Variants in RBFOX1 observed in about 807,000 individuals in gnomAD.
RBFOX1 encodes the protein RNA binding protein fox-1 homolog 1.
In RBFOX1, 8 loss-of-function variants were observed where a neutral mutation model predicts 57.7. The observed-to-expected ratio is 0.14, with a 90% CI of 0.08 to 0.25. RBFOX1 has a LOEUF of 0.25. RBFOX1 is among the 10% of genes least tolerant of loss of function. The probability of loss-of-function intolerance (pLI) is 1.00; values close to 1 mark genes in which losing one functional copy is unlikely to be tolerated. For synonymous variants in RBFOX1, 326 were observed against 222.4 expected, an observed-to-expected ratio of 1.47 and a Z score of -4.15; for missense variants, 611 against 548.5, an observed-to-expected ratio of 1.11 and a Z score of -1.14.
intron 4 of RBFOX1, among the ~76,000 whole-genome samples, chr16:7,250,852 G>C (rs1256438709): frequency 6.6e-6 from 1 of 152,062 alleles, no homozygotes; most frequent in Non-Finnish European, 1.5e-5. Flanking sequence ...TTAGGACACT[G>C]GGTGATTCTT....
intron 14 of RBFOX1, among the ~76,000 whole-genome samples, chr16:7,682,933 C>G (rs929254819): frequency 2.2e-5 from 3 of 136,952 alleles, no homozygotes; most frequent in Admixed American, 7.6e-5. Context: ...TAGAAACACA[C>G]AGTTATACCT....
chr16:7,703,591 G>A (rs533849686), intron 14 of RBFOX1, among the ~76,000 whole-genome samples: 13 of 152,232 alleles, frequency 8.5e-5, no homozygotes, highest in Admixed American at 3.9e-4. Flanking sequence ...AGAAAATTAT[G>A]TTAAAACCCT....
chr16:6,988,584 T>G (rs2090797063), intron 3 of RBFOX1, among the ~76,000 whole-genome samples: 1 of 151,798 alleles, frequency 6.6e-6, no homozygotes, highest in South Asian at 2.1e-4. Flanking sequence ...TTTTATTTTA[T>G]TTATTTGGGA....
intron 3 of RBFOX1, among the ~76,000 whole-genome samples, chr16:6,680,336 C>T (rs1159186634): frequency 7.2e-6 from 1 of 139,396 alleles, no homozygotes; most frequent in Non-Finnish European, 1.5e-5. Flanking sequence ...CATCTCAGCT[C>T]ACTGCAAGCT....
intron 4 of RBFOX1, among the ~76,000 whole-genome samples, chr16:7,104,599 A>G (rs966748538): frequency 6.6e-6 from 1 of 152,070 alleles, no homozygotes; most frequent in Non-Finnish European, 1.5e-5. Flanking sequence ...TCAAGTCAGG[A>G]CCTCTTGCTG....
At position 6,316,996 on chromosome 16, in the gene RBFOX1, A is replaced by C. The variant is rs983183633; in HGVS notation, c.-125A>C. 9.8e-6 allele frequency: 15 copies of C among 1,535,120 alleles called. No individual in the cohort carries two copies. The highest frequency in any genetic ancestry group is 3.3e-4 in the Middle Eastern group (2 of 6,006). ...GTCATTCCCCTTTTTCTTCTTTAGGAAACTGGTCAAAGAACTCATGCAAGT... is the reference window on the plus strand; with the variant it reads ...GTCATTCCCCTTTTTCTTCTTTAGGCAACTGGTCAAAGAACTCATGCAAGT... On this transcript the variant is annotated splice_region_variant and 5_prime_UTR_variant, in exon 2 of 16. Transcript: ENST00000550418.
Position 6,657,110 on chromosome 16 carries a change from C to T in RBFOX1, c.-16+2460C>T, listed in dbSNP as rs573448441. Reference sequence around the variant, plus strand: ...CTCCTCCCCTTTACTCTCCTCTCCTCCCCTCTCCTCTCCTCTCCTCTCCTC... The same window carrying T: ...CTCCTCCCCTTTACTCTCCTCTCCTTCCCTCTCCTCTCCTCTCCTCTCCTC... On this transcript the variant is annotated intron_variant, in intron 3 of 15. Coordinates refer to ENST00000550418, the MANE Select transcript of RBFOX1 (RefSeq NM_018723.4). 9.8e-4 allele frequency among the ~76,000 whole-genome samples: 135 copies of T among 137,128 alleles called. 4 individuals carry two copies. The highest frequency in any genetic ancestry group is 3.7e-3 in the African/African-American group (126 of 34,518). 90.0% of individuals were successfully genotyped at this position (137,128 alleles called of 152,430 possible). A position where few individuals can be genotyped will look rare whatever the true frequency, so the allele number is the denominator to read the frequency against.
intron 1 of RBFOX1, among the ~76,000 whole-genome samples, chr16:6,020,601 C>G (rs567646413): frequency 6.6e-6 from 1 of 152,160 alleles, no homozygotes; most frequent in Non-Finnish European, 1.5e-5. Flanking sequence ...TGGGAAACTC[C>G]TACTGTGCCC....
rs151177772 is a variant in RBFOX1, at chr16:6,824,983, G to GTTTTT, written c.-16+170360_-16+170364dup. On this transcript the variant is annotated intron_variant, in intron 3 of 15. Transcript: ENST00000550418. The stretch of plus-strand genomic sequence containing the variant: ...GGATTTCTTTTTTCTTTCTTTCTTG[G>GTTTTT]TTTTTTTTTTTTTTTTTTTTTTTTT... Among the ~76,000 whole-genome samples the GTTTTT allele has an allele frequency of 5.0e-3, 186 of 36,900 alleles. 29 individuals carry two copies. Among genetic ancestry groups the GTTTTT allele is most frequent in the Middle Eastern group, 0.059 (2 of 34 alleles). The allele number at this position is 36,900 out of a possible 152,430, so 24.2% of individuals were successfully genotyped here. A position where few individuals can be genotyped will look rare whatever the true frequency, so the allele number is the denominator to read the frequency against.
chr16:6,885,662 G>C (rs80248853), intron 3 of RBFOX1, among the ~76,000 whole-genome samples: 13,215 of 152,006 alleles, frequency 0.087, 601 homozygotes, highest in South Asian at 0.11. Context: ...CTCCCTAGTA[G>C]CTGGGATTAC....
At chr16:5,606,121 C>T (rs2151225660) in intron 3 of RBFOX1, among the ~76,000 whole-genome samples, 1 of 152,298 alleles carries the variant, frequency 6.6e-6, no homozygotes, top group African/African-American at 2.4e-5. Flanking sequence ...ATGGCTCCTC[C>T]TTTCTGACAT....
chr16:6,888,701 C>G (rs1954709002), intron 3 of RBFOX1, among the ~76,000 whole-genome samples: 1 of 152,130 alleles, frequency 6.6e-6, no homozygotes, highest in Non-Finnish European at 1.5e-5. Flanking sequence ...AGTAAAAAAG[C>G]TGGGGGAAGG....
At chr16:5,581,417 G>A (rs571946413) in intron 2 of RBFOX1, among the ~76,000 whole-genome samples, 28 of 152,346 alleles carry the variant, frequency 1.8e-4, no homozygotes, top group African/African-American at 5.8e-4. Flanking sequence ...GGTTCCTGGA[G>A]GGAGAATCCA....
intron 3 of RBFOX1, among the ~76,000 whole-genome samples, chr16:6,672,486 A>T (rs1029317722): frequency 1.3e-5 from 2 of 151,722 alleles, no homozygotes; most frequent in African/African-American, 4.8e-5. Flanking sequence ...AAAAAAGAAA[A>T]AGGGAGGGAG....
rs60702304 is a variant in RBFOX1 at position 6,485,566 on chromosome 16, G to A, written c.-64+168509G>A. On this transcript the variant is annotated intron_variant, in intron 2 of 15. Coordinates refer to ENST00000550418, the MANE Select transcript of RBFOX1 (RefSeq NM_018723.4). ...TCTTTCTTTCTTTCAGGAATTCTCCGCTCACCTGCAAGAATTATTTAGTAT... is the reference window on the plus strand; with the variant it reads ...TCTTTCTTTCTTTCAGGAATTCTCCACTCACCTGCAAGAATTATTTAGTAT... Among the ~76,000 whole-genome samples the A allele has an allele frequency of 6.1e-3, 922 of 152,092 alleles. 12 individuals are homozygous for A. The highest frequency in any genetic ancestry group is 0.021 in the African/African-American group (871 of 41,480).
Position 6,862,478 on chromosome 16 carries a change from C to T in RBFOX1, c.-15-189579C>T, listed in dbSNP as rs547116501. ...GAGTTATTAGCAATATTACAGTTACCTAGGAAAAGGAGCAAACAGCTCTGC... is the reference window on the plus strand; with the variant it reads ...GAGTTATTAGCAATATTACAGTTACTTAGGAAAAGGAGCAAACAGCTCTGC... On this transcript the variant is annotated intron_variant, in intron 3 of 15. Coordinates refer to ENST00000550418, the MANE Select transcript of RBFOX1 (RefSeq NM_018723.4). 2.6e-5 allele frequency among the ~76,000 whole-genome samples: 4 copies of T among 152,290 alleles called. No homozygotes were observed. In the South Asian group the frequency reaches 6.2e-4, roughly 24 times the overall value.
At chr16:6,806,402 C>T (rs561573718) in intron 3 of RBFOX1, among the ~76,000 whole-genome samples, 2 of 152,256 alleles carry the variant, frequency 1.3e-5, no homozygotes, top group East Asian at 1.9e-4. Context: ...ACCAGAAAGA[C>T]TGTAATACAT....
chr16:5,537,942 G>T (rs994584970), intron 2 of RBFOX1, among the ~76,000 whole-genome samples: 5 of 152,152 alleles, frequency 3.3e-5, no homozygotes, highest in Non-Finnish European at 7.3e-5. Flanking sequence ...CCTCCCACAA[G>T]AGTTACACAT....
At chr16:5,361,826 C>T (rs1347217479) in intron 1 of RBFOX1, among the ~76,000 whole-genome samples, 2 of 152,172 alleles carry the variant, frequency 1.3e-5, no homozygotes, top group African/African-American at 2.4e-5. Context: ...TAGTGGGAGA[C>T]ATAGAGAAAG....
Sources: gnomAD v4.1 joint callset for allele counts (sites outside exome capture counted in the v4.1 genomes callset) on GRCh38, gnomAD v4.1.1 for gene constraint, MANE v1.5 for transcripts, NCBI Gene and HGNC (gene_info 2026-07-23, HGNC 2026-07-21) for gene names.